SNX29: variants seen among roughly 807,000 people sequenced by gnomAD.
SNX29 encodes the protein sorting nexin 29.
Under a neutral mutation model 102.1 loss-of-function variants are expected in SNX29, and 78 were observed. The ratio of observed to expected loss-of-function variants is 0.76; its 90% CI spans 0.64 to 0.92. The LOEUF (loss-of-function observed/expected upper bound fraction) is 0.92. Among genes scored for constraint, SNX29 ranks in the 40% least tolerant of loss-of-function variants. The probability of loss-of-function intolerance (pLI) is 0.00; values close to 1 mark genes in which losing one functional copy is unlikely to be tolerated. For missense variants in SNX29, 1,280 were observed against 1,061.7 expected (o/e 1.21, Z -2.86); for synonymous variants, 580 against 414.5 (o/e 1.40, Z -4.85).
intron 20 of SNX29, among the ~76,000 whole-genome samples, chr16:12,560,437 C>A (rs1567202076): frequency 6.6e-6 from 1 of 152,096 alleles, no homozygotes; most frequent in Non-Finnish European, 1.5e-5. Context: ...CATCCATGTC[C>A]CCAGCCCCGA....
rs543472624 is a variant in SNX29 at position 12,522,198 on chromosome 16, G to A, written c.2179-2504G>A. On this transcript the variant is annotated intron_variant, in intron 19 of 20. Transcript: ENST00000566228. ...AATAATTTTGTAGTCTAAGTGTATC[G>A]CAAATACTGCATGGAAAGGTTTCGT... Among the ~76,000 whole-genome samples the A allele has an allele frequency of 6.0e-4, 92 of 152,288 alleles. 3 individuals are homozygous for A. The highest frequency in any genetic ancestry group is 6.8e-4 in the Non-Finnish European group (46 of 68,018).
chr16:12,518,633 C>G (rs1342879354), intron 19 of SNX29, among the ~76,000 whole-genome samples: 1 of 152,178 alleles, frequency 6.6e-6, no homozygotes, highest in Non-Finnish European at 1.5e-5. Flanking sequence ...CAGCACTTGC[C>G]CCAGCCTGTC....
At chr16:12,534,643 C>G (rs995127604) in intron 20 of SNX29, among the ~76,000 whole-genome samples, 1 of 152,206 alleles carries the variant, frequency 6.6e-6, no homozygotes, top group African/African-American at 2.4e-5. Flanking sequence ...GTAAAATTCA[C>G]CTGAAGGAGT....
chr16:12,220,622 G>C (rs536466628), intron 14 of SNX29, among the ~76,000 whole-genome samples: 2 of 152,312 alleles, frequency 1.3e-5, no homozygotes, highest in African/African-American at 4.8e-5. Flanking sequence ...GCACATCAGA[G>C]ACTGGATTCT....
At chr16:12,249,117 G>C (rs1045110729) in intron 14 of SNX29, among the ~76,000 whole-genome samples, 2 of 152,166 alleles carry the variant, frequency 1.3e-5, no homozygotes, top group African/African-American at 2.4e-5. Context: ...GGGTGAGTTA[G>C]GGGTTCAGTC....
chr16:12,307,845 G>A (rs2080388956), intron 15 of SNX29, among the ~76,000 whole-genome samples: 1 of 152,194 alleles, frequency 6.6e-6, no homozygotes, highest in African/African-American at 2.4e-5. Flanking sequence ...ATCCTCTCAT[G>A]GTGACGTTCA....
chr16:12,515,595 GACCTCCGAAGTC>G, intron 19 of SNX29: 1 of 489,452 alleles, frequency 2.0e-6, no homozygotes, highest in Non-Finnish European at 4.1e-6. Flanking sequence ...ATCTTCAGGT[GACCTCCGAAGTC>G]ACCTCCTCCC....
intron 20 of SNX29, among the ~76,000 whole-genome samples, chr16:12,554,368 G>C (rs1393862342): frequency 9.2e-6 from 1 of 108,542 alleles, no homozygotes; most frequent in Non-Finnish European, 1.6e-5. Context: ...CCTGTGTCTT[G>C]AAGGTGTTTC....
chr16:12,168,869 C>T (rs1445012794), intron 13 of SNX29, among the ~76,000 whole-genome samples: 1 of 152,186 alleles, frequency 6.6e-6, no homozygotes, highest in Admixed American at 6.5e-5. Context: ...CTTTGCATGC[C>T]GGTTTCTTCT....
chr16:12,555,425 T>C (rs1271596296), intron 20 of SNX29, among the ~76,000 whole-genome samples: 3 of 152,062 alleles, frequency 2.0e-5, no homozygotes. Flanking sequence ...CAGGTTGCTT[T>C]GTAGGAGACA....
intron 20 of SNX29, among the ~76,000 whole-genome samples, chr16:12,560,051 G>T (rs774111097): frequency 1.3e-5 from 2 of 151,938 alleles, no homozygotes; most frequent in Non-Finnish European, 2.9e-5. Flanking sequence ...AAAGAAAAAT[G>T]ACTAGAAAAC....
At chr16:12,112,019 C>T (rs917675657) in intron 11 of SNX29, among the ~76,000 whole-genome samples, 2 of 152,178 alleles carry the variant, frequency 1.3e-5, no homozygotes, top group Non-Finnish European at 2.9e-5. Flanking sequence ...GCTCTGCTGG[C>T]AGAGGATGCA....
At chr16:12,025,686 C>A (rs2057171525) in intron 3 of SNX29, among the ~76,000 whole-genome samples, 1 of 152,134 alleles carries the variant, frequency 6.6e-6, no homozygotes, top group Non-Finnish European at 1.5e-5. Flanking sequence ...GTCATGGGCA[C>A]CGAATACAGT....
At chr16:12,225,482 CTCTT>C (rs1254048252) in intron 14 of SNX29, among the ~76,000 whole-genome samples, 1 of 152,218 alleles carries the variant, frequency 6.6e-6, no homozygotes. Flanking sequence ...CAAGCTCTCT[CTCTT>C]TGATGTCTGC....
At chr16:12,028,352 C>G (rs1236887149) in intron 4 of SNX29, among the ~76,000 whole-genome samples, 1 of 151,958 alleles carries the variant, frequency 6.6e-6, no homozygotes, top group Non-Finnish European at 1.5e-5. Context: ...TTCAATAGAT[C>G]TTTTTATTTA....
chr16:12,071,394 C>G (rs1363382626), intron 10 of SNX29, among the ~76,000 whole-genome samples: 15 of 151,952 alleles, frequency 9.9e-5, no homozygotes, highest in Admixed American at 3.3e-4. Context: ...ATATGGCTAG[C>G]CAGTTTTCCC....
chr16:12,553,017 G>C (rs763218390), intron 20 of SNX29, among the ~76,000 whole-genome samples: 15 of 152,252 alleles, frequency 9.9e-5, no homozygotes, highest in Admixed American at 7.2e-4. Flanking sequence ...AGTGGGATTA[G>C]ATCAGCTTTA....
chr16:12,313,730 C>T (rs1408359234), intron 15 of SNX29, among the ~76,000 whole-genome samples: 2 of 152,186 alleles, frequency 1.3e-5, no homozygotes, highest in Non-Finnish European at 2.9e-5. Context: ...CACCCCATGC[C>T]GGGTATGGAG....
intron 20 of SNX29, among the ~76,000 whole-genome samples, chr16:12,548,737 A>T (rs1369181256): frequency 6.6e-6 from 1 of 152,132 alleles, no homozygotes; most frequent in African/African-American, 2.4e-5. Context: ...CAGGGCTCCA[A>T]GGTGTTTTCT....
Sources: allele counts gnomAD v4.1 joint callset (sites outside exome capture counted in the v4.1 genomes callset), GRCh38; gene constraint gnomAD v4.1.1; transcripts MANE v1.5; gene names NCBI Gene and HGNC (gene_info 2026-07-23, HGNC 2026-07-21).